Variants in EMID1 observed in about 807,000 individuals in gnomAD.
EMID1 encodes the protein EMI domain-containing protein 1.
In EMID1, 40 loss-of-function variants were observed where a neutral mutation model predicts 60.6. The observed-to-expected ratio is 0.66, with a 90% confidence interval of 0.51 to 0.86. The LOEUF is 0.86. EMID1 is among the 40% of genes least tolerant of loss of function. The pLI is 0.00. For missense variants in EMID1, 585 were observed against 597.1 expected, an observed-to-expected ratio of 0.98 and a Z score of 0.21; for synonymous variants, 242 against 231.0, an observed-to-expected ratio of 1.05 and a Z score of -0.43.
rs377191584 is a variant in EMID1 at position 29,215,654 on chromosome 22, G to A, written c.319+24G>A. 2.3e-5 allele frequency: 37 copies of A among 1,601,546 alleles called. 1 individual carries two copies. The highest frequency in any genetic ancestry group is 1.1e-4 in the East Asian group (5 of 44,800). ...AGGTAGGACTGCCCGGCCGGCTCCC[G>A]GAGCCCTGCGACAGCAGGCCAGGTG... On this transcript the variant is annotated intron_variant, in intron 3 of 14. Transcript: ENST00000334018.
At chr22:29,229,662 A>T (rs1258755480) in intron 5 of EMID1, among the ~76,000 whole-genome samples, 1 of 151,650 alleles carries the variant, frequency 6.6e-6, no homozygotes, top group East Asian at 1.9e-4. Context: ...AAAAAAAAGA[A>T]GATGCCCCTG....
intron 12 of EMID1, among the ~76,000 whole-genome samples, chr22:29,237,519 C>A (rs912385279): frequency 4.9e-5 from 7 of 143,996 alleles, no homozygotes; most frequent in Middle Eastern, 3.3e-3. Flanking sequence ...GAGTTTCTGG[C>A]CAGGCACGGT....
At chr22:29,233,210 G>T in intron 8 of EMID1, 169 bp from the exon 9 acceptor site, 1 of 693,362 alleles carries the variant, frequency 1.4e-6, no homozygotes. Flanking sequence ...TGGTCTTGCG[G>T]GACCAACACT....
intron 6 of EMID1, 55 bp downstream of exon 6, chr22:29,231,195 G>C: frequency 6.5e-7 from 1 of 1,536,010 alleles, no homozygotes; most frequent in South Asian, 1.3e-5. Context: ...TGGGAATCGG[G>C]GAAGTGGGAT....
rs1382167147 is a variant in EMID1 at position 29,231,661 on chromosome 22, A to G, written c.655A>G (p.Met219Val). 27 of 1,475,800 alleles carry G rather than the reference A, an allele frequency of 1.8e-5. No homozygotes were observed. Among genetic ancestry groups the G allele is most frequent in the East Asian group, 2.5e-5 (1 of 39,816 alleles). The allele number at this position is 1,475,800 out of a possible 1,614,324, so 91.4% of individuals were successfully genotyped here. A position where few individuals can be genotyped will look rare whatever the true frequency, so the allele number is the denominator to read the frequency against. Reference protein sequence around the residue: ...PKGDAGSRGPMGMRGPPGPQG... With the variant: ...PKGDAGSRGPVGMRGPPGPQG... ...GGGAGATGCCGGCAGTCGGGGCCCA[A>G]TGGGGATGAGAGGCCCACCAGGTGA... Residue 219 changes from methionine to valine, a missense_variant, in exon 7 of 15, where the codon ATG becomes GTG. Transcript: ENST00000334018.
intron 8 of EMID1, 171 bp from the exon 9 acceptor site, chr22:29,233,208 C>T (rs1029284598): frequency 8.8e-6 from 6 of 681,672 alleles, no homozygotes; most frequent in African/African-American, 3.6e-5. Flanking sequence ...CCTGGTCTTG[C>T]GGGACCAACA....
At chr22:29,220,527 C>G (rs1476636305) in intron 3 of EMID1, among the ~76,000 whole-genome samples, 3 of 151,930 alleles carry the variant, frequency 2.0e-5, no homozygotes, top group African/African-American at 4.8e-5. Context: ...AAGGCTGCCT[C>G]CCTATGGCCT....
chr22:29,236,086 C>A (rs925826556), intron 12 of EMID1, among the ~76,000 whole-genome samples: 5 of 152,082 alleles, frequency 3.3e-5, no homozygotes, highest in African/African-American at 1.2e-4. Context: ...TGCATTTAGG[C>A]CATTGACATT....
At chr22:29,249,746 C>T (rs2041457764) in intron 13 of EMID1, among the ~76,000 whole-genome samples, 1 of 151,450 alleles carries the variant, frequency 6.6e-6, no homozygotes, top group Non-Finnish European at 1.5e-5. Context: ...TCCCATGTAG[C>T]TGGGATTGCA....
At chr22:29,234,371 G>C in intron 12 of EMID1, 22 bp downstream of exon 12, 1 of 1,611,178 alleles carries the variant, frequency 6.2e-7, no homozygotes, top group East Asian at 2.2e-5. Context: ...TGTCTGTCCC[G>C]CATTCATCCC....
At chr22:29,219,400 C>T (rs1204786443) in intron 3 of EMID1, among the ~76,000 whole-genome samples, 1 of 152,192 alleles carries the variant, frequency 6.6e-6, no homozygotes, top group Non-Finnish European at 1.5e-5. Context: ...ATACATATTC[C>T]TTCCCTGTCC....
intron 10 of EMID1, 109 bp from the exon 11 acceptor site, chr22:29,234,028 C>A: frequency 7.9e-7 from 1 of 1,273,262 alleles, no homozygotes; most frequent in Non-Finnish European, 1.1e-6. Context: ...GGTGAAGAAC[C>A]CAGAGGCCCA....
chr22:29,216,109 C>G lies in EMID1; in HGVS notation c.319+479C>G, dbSNP rs181281990. Among the ~76,000 whole-genome samples, 7 of 152,304 alleles carry G rather than the reference C, an allele frequency of 4.6e-5. No individual in the cohort carries two copies. The South Asian group carries it at 6.2e-4, about 14-fold the overall frequency. ...TGCCAGGCTGCACTCCCCGCCCCCC[C>G]ACCCCTGGGCTCCAGGGATGGGAGG... On this transcript the variant is annotated intron_variant, in intron 3 of 14. Transcript: ENST00000334018.
At chr22:29,211,878 C>A (rs934216051) in intron 1 of EMID1, among the ~76,000 whole-genome samples, 5 of 152,226 alleles carry the variant, frequency 3.3e-5, no homozygotes, top group African/African-American at 9.6e-5. Context: ...ACCTGTACAC[C>A]AAGTTTTATG....
rs2040058108 is a variant in EMID1 at position 29,215,746 on chromosome 22, G to A, written c.319+116G>A. ...CATGCACAGTACCATGCCTGCTGGG[G>A]CCAGCTGCACAGAGCCTGGCTCAGA... is the stretch of plus-strand genomic sequence containing the variant. On this transcript the variant is annotated intron_variant, in intron 3 of 14. Transcript: ENST00000334018. 5 of 797,700 alleles carry A rather than the reference G, an allele frequency of 6.3e-6. No homozygotes were observed. In the South Asian group the frequency reaches 6.4e-5, roughly 10 times the overall value. The allele number at this position is 797,700 out of a possible 1,614,324, so 49.4% of individuals were successfully genotyped here. A position where few individuals can be genotyped will look rare whatever the true frequency, so the allele number is the denominator to read the frequency against.
At chr22:29,206,426 T>G (rs1227209563) in intron 1 of EMID1, among the ~76,000 whole-genome samples, 2 of 152,194 alleles carry the variant, frequency 1.3e-5, no homozygotes, top group Non-Finnish European at 2.9e-5. Flanking sequence ...TGTTCCCCTG[T>G]CCCTAGGGCC....
chr22:29,217,078 G>A (rs1054178394), intron 3 of EMID1, among the ~76,000 whole-genome samples: 1 of 152,220 alleles, frequency 6.6e-6, no homozygotes, highest in Non-Finnish European at 1.5e-5. Flanking sequence ...GCTGTGGAGG[G>A]GAGGGCCGAA....
chr22:29,253,945 G>A (rs370850955), intron 13 of EMID1: 6 of 985,420 alleles, frequency 6.1e-6, no homozygotes, highest in Non-Finnish European at 7.2e-6. Context: ...CAGGATTTGC[G>A]GCCTTGTCAG....
chr22:29,210,672 A>T (rs1221797532), intron 1 of EMID1, among the ~76,000 whole-genome samples: 2 of 152,192 alleles, frequency 1.3e-5, no homozygotes, highest in Non-Finnish European at 2.9e-5. Flanking sequence ...CTGTGACTAC[A>T]GGCAAGCACC....
Sources: allele counts gnomAD v4.1 joint callset (sites outside exome capture counted in the v4.1 genomes callset), GRCh38; gene constraint gnomAD v4.1.1; transcripts MANE v1.5; gene names NCBI Gene and HGNC (gene_info 2026-07-23, HGNC 2026-07-21).